Variants in SPIDR observed in about 807,000 individuals in gnomAD.
SPIDR encodes DNA repair-scaffolding protein.
Under a neutral mutation model 104.6 loss-of-function variants are expected in SPIDR, and 93 were observed. The observed-to-expected ratio is 0.89, with a 90% CI of 0.75 to 1.06. The LOEUF (loss-of-function observed/expected upper bound fraction) is 1.06, where lower values mean the gene tolerates loss of function less well. SPIDR is among the 50% of genes least tolerant of loss of function. SPIDR has a pLI of 0.00. For missense variants in SPIDR, 1,154 were observed against 1,111.2 expected, an observed-to-expected ratio of 1.04 and a Z score of -0.55; for synonymous variants, 431 against 416.9, an observed-to-expected ratio of 1.03 and a Z score of -0.41.
intron 10 of SPIDR, among the ~76,000 whole-genome samples, chr8:47,647,937 C>T (rs1159022916): frequency 6.6e-6 from 1 of 152,136 alleles, no homozygotes; most frequent in African/African-American, 2.4e-5. Context: ...TGTTTCTGTG[C>T]ATCACATACA....
intron 8 of SPIDR, among the ~76,000 whole-genome samples, chr8:47,525,680 AG>A (rs376677035): frequency 2.3e-3 from 354 of 151,892 alleles, no homozygotes; most frequent in African/African-American, 7.7e-3. Context: ...ATACGCCTTT[AG>A]TCTCAACTAC....
chr8:47,462,702 A>T (rs182308467), intron 8 of SPIDR, among the ~76,000 whole-genome samples: 107 of 152,340 alleles, frequency 7.0e-4, no homozygotes, highest in Middle Eastern at 3.4e-3. Flanking sequence ...CAATGCTAGC[A>T]GAAGGATGGA....
chr8:47,344,275 A>G (rs2051402416), intron 5 of SPIDR, among the ~76,000 whole-genome samples: 1 of 152,132 alleles, frequency 6.6e-6, no homozygotes, highest in Non-Finnish European at 1.5e-5. Context: ...ACCTTCATCC[A>G]TGTCCCTACA....
At chr8:47,388,004 C>T (rs1377570300) in intron 5 of SPIDR, among the ~76,000 whole-genome samples, 1 of 152,212 alleles carries the variant, frequency 6.6e-6, no homozygotes, top group Non-Finnish European at 1.5e-5. Context: ...TCTCAGTTGT[C>T]TAGACTCGTC....
chr8:47,548,339 A>G (rs955932039), intron 8 of SPIDR, among the ~76,000 whole-genome samples: 17 of 152,340 alleles, frequency 1.1e-4, no homozygotes, highest in Non-Finnish European at 2.5e-4. Flanking sequence ...TAAATAGATG[A>G]TATCTTAAGC....
chr8:47,700,571 C>A, intron 12 of SPIDR, 81 bp downstream of exon 12: 1 of 1,398,016 alleles, frequency 7.2e-7, no homozygotes, highest in Non-Finnish European at 1.0e-6. Context: ...CACTGTCACT[C>A]ACATGGTCTG....
Position 47,260,995 on chromosome 8 carries a change from G to C in SPIDR, c.33+4G>C. 2 of 1,228,414 alleles carry C rather than the reference G, an allele frequency of 1.6e-6. No homozygotes were observed. Among genetic ancestry groups the C allele is most frequent in the Non-Finnish European group, 2.0e-6 (2 of 985,600 alleles). The allele number at this position is 1,228,414 out of a possible 1,614,324, so 76.1% of individuals were successfully genotyped here. Reference sequence around the variant, plus strand: ...CAGCCGCGCTCGGGGCTCTAAGGTAGGCTCTGGGGCGGGAGTGGGCGCCGC... The same window carrying C: ...CAGCCGCGCTCGGGGCTCTAAGGTACGCTCTGGGGCGGGAGTGGGCGCCGC... On this transcript the variant is annotated splice_donor_region_variant and intron_variant, in intron 1 of 19. Coordinates refer to ENST00000297423, the MANE Select transcript of SPIDR (RefSeq NM_001080394.4).
At chr8:47,697,510 C>T (rs1023334960) in intron 11 of SPIDR, among the ~76,000 whole-genome samples, 6 of 152,168 alleles carry the variant, frequency 3.9e-5, no homozygotes, top group Admixed American at 3.9e-4. Context: ...AGTCTTTCAG[C>T]TTCCTGAGCG....
In SPIDR at chr8:47,260,954, C is replaced by T. The variant is rs1388006272; in HGVS notation, c.-5C>T. ...AGGCGGTGCGCTCAGGCGGCGCTCC[C>T]GGAGATGCCCCGCGGCAGCCGCGCT... is the stretch of plus-strand genomic sequence containing the variant. On this transcript the variant is annotated 5_prime_UTR_variant, in exon 1 of 20. Coordinates refer to ENST00000297423, the MANE Select transcript of SPIDR (RefSeq NM_001080394.4). 4.1e-6 allele frequency: 5 copies of T among 1,228,814 alleles called. No individual in the cohort carries two copies. The highest frequency in any genetic ancestry group is 5.1e-6 in the Non-Finnish European group (5 of 985,792). 76.1% of individuals were successfully genotyped at this position (1,228,814 alleles called of 1,614,324 possible). A position where few individuals can be genotyped will look rare whatever the true frequency, so the allele number is the denominator to read the frequency against.
At chr8:47,691,479 G>A (rs546186358) in intron 11 of SPIDR, among the ~76,000 whole-genome samples, 3 of 152,268 alleles carry the variant, frequency 2.0e-5, no homozygotes, top group African/African-American at 7.2e-5. Flanking sequence ...CCACCACGGT[G>A]GTTGAAGGGC....
At chr8:47,715,166 T>G (rs533424501) in intron 16 of SPIDR, among the ~76,000 whole-genome samples, 35 of 139,204 alleles carry the variant, frequency 2.5e-4, no homozygotes, top group Admixed American at 9.6e-4. Context: ...TTTGGGGGGG[T>G]TTTTTGTTTT....
chr8:47,443,785 C>A (rs1554699189), intron 8 of SPIDR, among the ~76,000 whole-genome samples: 2 of 150,286 alleles, frequency 1.3e-5, no homozygotes, highest in Non-Finnish European at 1.5e-5. Flanking sequence ...TTAAAAGAAT[C>A]AATAGACTTT....
intron 5 of SPIDR, chr8:47,361,015 ATAAG>A (rs2055786071): frequency 1.0e-6 from 1 of 966,958 alleles, no homozygotes; most frequent in African/African-American, 1.8e-5. Flanking sequence ...TTAAAAATAA[ATAAG>A]TGATGCTGAT....
chr8:47,508,977 T>C (rs4536257), intron 8 of SPIDR, among the ~76,000 whole-genome samples: 78,829 of 151,894 alleles, frequency 0.52, 22,419 homozygotes, highest in East Asian at 0.73. Context: ...AAGTGTTCTT[T>C]CTTAAAGGAC....
At chr8:47,674,033 G>A in intron 11 of SPIDR, 92 bp downstream of exon 11, 1 of 1,453,286 alleles carries the variant, frequency 6.9e-7, no homozygotes, top group South Asian at 1.4e-5. Context: ...AAAATTAAAA[G>A]GCAATAAACC....
chr8:47,545,109 TTCTTTCTTTC>T lies in SPIDR; in HGVS notation c.1098-50700_1098-50691del, dbSNP rs1365509321. ...TTTCTTTCTTTCTTTCTTTCTTTCT[TTCTTTCTTTC>T]TTTTTTTTTTTTTTTTGTTGAAACG... is the stretch of plus-strand genomic sequence containing the variant. On this transcript the variant is annotated intron_variant, in intron 8 of 19. Coordinates refer to ENST00000297423, the MANE Select transcript of SPIDR (RefSeq NM_001080394.4). Among the ~76,000 whole-genome samples the T allele has an allele frequency of 9.2e-4, 120 of 130,360 alleles. 3 individuals carry two copies. In the South Asian group the frequency reaches 0.014, roughly 15 times the overall value. 85.5% of individuals were successfully genotyped at this position (130,360 alleles called of 152,430 possible). A position where few individuals can be genotyped will look rare whatever the true frequency, so the allele number is the denominator to read the frequency against.
intron 8 of SPIDR, among the ~76,000 whole-genome samples, chr8:47,479,356 CAAAAA>C (rs1186481801): frequency 1.1e-5 from 1 of 92,100 alleles, no homozygotes; most frequent in African/African-American, 4.1e-5. Flanking sequence ...GAGACTCTCT[CAAAAA>C]AAAAAAAAAA....
chr8:47,589,935 G>C (rs1296017329), intron 8 of SPIDR, among the ~76,000 whole-genome samples: 1 of 151,952 alleles, frequency 6.6e-6, no homozygotes, highest in Admixed American at 6.6e-5. Context: ...TGAGAGGCTG[G>C]GGTGGGTGGA....
chr8:47,310,137 A>C (rs2043859885), intron 5 of SPIDR, among the ~76,000 whole-genome samples: 1 of 151,526 alleles, frequency 6.6e-6, no homozygotes, highest in South Asian at 2.1e-4. Flanking sequence ...ATTTGAGACC[A>C]TCCTGGCTAA....
Sources: allele counts gnomAD v4.1 joint callset (sites outside exome capture counted in the v4.1 genomes callset), GRCh38; gene constraint gnomAD v4.1.1; transcripts MANE v1.5; gene names NCBI Gene and HGNC (gene_info 2026-07-23, HGNC 2026-07-21).